The following DACH1 variants were observed in gnomAD, a reference collection of about 807,000 sequenced individuals.
DACH1 encodes the protein dachshund homolog 1.
A neutral mutation model predicts 54.2 loss-of-function variants in DACH1; 12 were observed. The ratio of observed to expected loss-of-function variants is 0.22; its 90% confidence interval spans 0.14 to 0.36. The LOEUF (loss-of-function observed/expected upper bound fraction) is 0.36, where lower values mean the gene tolerates loss of function less well. Among genes scored for constraint, DACH1 ranks in the 10% least tolerant of loss-of-function variants. The pLI is 1.00. For missense variants in DACH1, 805 were observed against 929.8 expected (o/e 0.87, Z 1.75); for synonymous variants, 386 against 366.2 (o/e 1.05, Z -0.62).
intron 1 of DACH1, among the ~76,000 whole-genome samples, chr13:71,698,610 A>T (rs1043582797): frequency 6.6e-6 from 1 of 152,180 alleles, no homozygotes; most frequent in Admixed American, 6.5e-5. Context: ...TACGGTGTAT[A>T]CTAGACTGAA....
intron 10 of DACH1, among the ~76,000 whole-genome samples, chr13:71,441,536 T>G (rs1177103058): frequency 1.3e-5 from 2 of 152,218 alleles, no homozygotes; most frequent in South Asian, 2.1e-4. Context: ...ATTCAAATTT[T>G]AATATGTACA....
chr13:71,637,093 T>C (rs1178022288), intron 2 of DACH1, among the ~76,000 whole-genome samples: 2 of 152,140 alleles, frequency 1.3e-5, no homozygotes, highest in East Asian at 1.9e-4. Flanking sequence ...ATAAGAAATA[T>C]GTATAATACA....
At chr13:71,560,019 T>C (rs2138383030) in intron 4 of DACH1, 64 bp from the exon 5 acceptor site, 1 of 1,414,310 alleles carries the variant, frequency 7.1e-7, no homozygotes, top group South Asian at 1.6e-5. Context: ...CTTTACTTAA[T>C]GAATGTTGTT....
chr13:71,531,702 A>T lies in DACH1; in HGVS notation c.1570+25322T>A, dbSNP rs146197500. On this transcript the variant is annotated intron_variant, in intron 6 of 10. Transcript: ENST00000613252. The stretch of plus-strand genomic sequence containing the variant: ...TGGAGATGACATTACTGGGAAATAG[A>T]AGTAAGATTTTTAAGGGCTCTGAGT... Among the ~76,000 whole-genome samples the T allele has an allele frequency of 1.2e-3, 184 of 152,056 alleles. 2 individuals are homozygous for T. The East Asian group carries it at 0.028, about 23-fold the overall frequency.
chr13:71,757,522 C>CTT (rs71126504), intron 1 of DACH1, among the ~76,000 whole-genome samples: 35 of 128,900 alleles, frequency 2.7e-4, no homozygotes, highest in African/African-American at 5.2e-4. Flanking sequence ...TTTAAAGGTA[C>CTT]TTTTTTTTTT....
chr13:71,573,136 A>T (rs948906935), intron 3 of DACH1, 124 bp from the exon 4 acceptor site: 1 of 940,884 alleles, frequency 1.1e-6, no homozygotes, highest in African/African-American at 1.7e-5. Context: ...CATATGCAAA[A>T]ATTTCACTTA....
intron 1 of DACH1, among the ~76,000 whole-genome samples, chr13:71,819,410 G>T (rs1032883897): frequency 6.6e-6 from 1 of 151,708 alleles, no homozygotes; most frequent in Non-Finnish European, 1.5e-5. Flanking sequence ...ATCTGGAAGG[G>T]CATATGGAAA....
At chr13:71,812,131 T>C (rs1342686282) in intron 1 of DACH1, among the ~76,000 whole-genome samples, 1 of 152,176 alleles carries the variant, frequency 6.6e-6, no homozygotes, top group Admixed American at 6.5e-5. Context: ...TAATAGATTT[T>C]TCAATGGATT....
chr13:71,698,143 G>A (rs912097945), intron 1 of DACH1, among the ~76,000 whole-genome samples: 3 of 152,012 alleles, frequency 2.0e-5, no homozygotes, highest in Admixed American at 6.5e-5. Context: ...AGTGAGCCGC[G>A]CCACTGCACT....
intron 1 of DACH1, among the ~76,000 whole-genome samples, chr13:71,750,496 G>A (rs1368070699): frequency 6.6e-6 from 1 of 152,150 alleles, no homozygotes; most frequent in African/African-American, 2.4e-5. Context: ...TCTAATGTAT[G>A]ATTTCATTTA....
intron 2 of DACH1, among the ~76,000 whole-genome samples, chr13:71,642,136 G>A (rs915023217): frequency 2.0e-5 from 3 of 152,160 alleles, no homozygotes; most frequent in Middle Eastern, 3.4e-3. Flanking sequence ...CATTTTAGAC[G>A]CAATGTCTGT....
intron 2 of DACH1, among the ~76,000 whole-genome samples, chr13:71,657,574 AAT>A: frequency 7.4e-6 from 1 of 134,496 alleles, no homozygotes; most frequent in Non-Finnish European, 1.5e-5. Flanking sequence ...CCCTGTCTCA[AAT>A]AAAAAAAAAA....
At chr13:71,549,891 A>G (rs1286393489) in intron 6 of DACH1, among the ~76,000 whole-genome samples, 3 of 152,088 alleles carry the variant, frequency 2.0e-5, no homozygotes, top group Admixed American at 2.0e-4. Context: ...TCCTCAAAAT[A>G]TTTATTGAAT....
chr13:71,494,280 G>C (rs925922571), intron 6 of DACH1, among the ~76,000 whole-genome samples: 1 of 151,684 alleles, frequency 6.6e-6, no homozygotes, highest in African/African-American at 2.4e-5. Flanking sequence ...TTTTTCCTGG[G>C]TTAGCAATAT....
At chr13:71,851,658 G>C (rs192943170) in intron 1 of DACH1, among the ~76,000 whole-genome samples, 2 of 152,052 alleles carry the variant, frequency 1.3e-5, no homozygotes, top group Non-Finnish European at 2.9e-5. Flanking sequence ...CACATGCCAA[G>C]TCCTGTCTTA....
chr13:71,551,076 C>G (rs1183716980), intron 6 of DACH1, among the ~76,000 whole-genome samples: 1 of 151,756 alleles, frequency 6.6e-6, no homozygotes, highest in African/African-American at 2.4e-5. Context: ...AACAGGCTCC[C>G]ATATAGTTGT....
At chr13:71,629,378 T>C (rs894063866) in intron 3 of DACH1, among the ~76,000 whole-genome samples, 4 of 152,136 alleles carry the variant, frequency 2.6e-5, no homozygotes, top group Admixed American at 6.6e-5. Flanking sequence ...CCACTACTGC[T>C]GGTCCTTTGC....
chr13:71,456,268 TAGAA>T (rs977196185), intron 10 of DACH1, among the ~76,000 whole-genome samples: 2 of 152,100 alleles, frequency 1.3e-5, no homozygotes, highest in African/African-American at 4.8e-5. Context: ...TGCATATATT[TAGAA>T]AGAAGATAAA....
At chr13:71,854,141 A>C (rs1016748004) in intron 1 of DACH1, among the ~76,000 whole-genome samples, 2 of 152,172 alleles carry the variant, frequency 1.3e-5, no homozygotes, top group African/African-American at 4.8e-5. Flanking sequence ...GCTTGGAATA[A>C]AATACTGTAA....
Sources: gnomAD v4.1 joint callset for allele counts (sites outside exome capture counted in the v4.1 genomes callset) on GRCh38, gnomAD v4.1.1 for gene constraint, MANE v1.5 for transcripts, NCBI Gene and HGNC (gene_info 2026-07-23, HGNC 2026-07-21) for gene names.